Variants in VGLL4 observed in about 807,000 individuals in gnomAD.
VGLL4 encodes transcription cofactor vestigial-like protein 4.
VGLL4 carries 7 observed loss-of-function variants against 21.0 expected under a neutral mutation model. The ratio of observed to expected loss-of-function variants is 0.33; its 90% confidence interval spans 0.19 to 0.63. The LOEUF is 0.63. Among genes scored for constraint, VGLL4 ranks in the 20% least tolerant of loss-of-function variants. The pLI is 0.78. For missense variants in VGLL4, 394 were observed against 425.7 expected, an observed-to-expected ratio of 0.93 and a Z score of 0.66; for synonymous variants, 222 against 173.2, an observed-to-expected ratio of 1.28 and a Z score of -2.21.
At chr3:11,617,124 T>C (rs991650684) in intron 1 of VGLL4, among the ~76,000 whole-genome samples, 1 of 152,160 alleles carries the variant, frequency 6.6e-6, no homozygotes, top group Non-Finnish European at 1.5e-5. Flanking sequence ...ACATTTTATA[T>C]GAGGGAGACA....
chr3:11,572,882 C>T (rs116289633), intron 2 of VGLL4, among the ~76,000 whole-genome samples: 4,234 of 152,132 alleles, frequency 0.028, 85 homozygotes, highest in South Asian at 0.069. Context: ...AAATGACCCC[C>T]GTAGGCCAGG....
intron 1 of VGLL4, among the ~76,000 whole-genome samples, chr3:11,602,667 G>A (rs1046306364): frequency 1.3e-5 from 2 of 152,148 alleles, no homozygotes; most frequent in African/African-American, 4.8e-5. Flanking sequence ...AGCATAATAC[G>A]TGGGTAGGTG....
rs2125268780 is a variant in VGLL4 at position 11,602,683 on chromosome 3, C to T, written c.83-661G>A. ...GCATAATACGTGGGTAGGTGCAGTT[C>T]TGAAACATGTTTCGAAGTTAGGCAA... On this transcript the variant is annotated intron_variant, in intron 1 of 4. Coordinates refer to ENST00000430365, the MANE Select transcript of VGLL4 (RefSeq NM_001128219.3). Among the ~76,000 whole-genome samples the T allele has an allele frequency of 2.0e-5, 3 of 152,272 alleles. No homozygotes were observed. In the South Asian group the frequency reaches 6.2e-4, roughly 32 times the overall value.
intron 2 of VGLL4, among the ~76,000 whole-genome samples, chr3:11,690,880 A>G (rs1218741278): frequency 1.3e-5 from 2 of 152,184 alleles, no homozygotes; most frequent in African/African-American, 4.8e-5. Context: ...GCTTCTACAC[A>G]TTATATGCAC....
At chr3:11,680,988 TC>T (rs1484719695) in intron 2 of VGLL4, among the ~76,000 whole-genome samples, 2 of 152,168 alleles carry the variant, frequency 1.3e-5, no homozygotes, top group Non-Finnish European at 2.9e-5. Flanking sequence ...ACGCCTCCCT[TC>T]CCTTCTCTTT....
intron 3 of VGLL4, among the ~76,000 whole-genome samples, chr3:11,561,326 C>T (rs1461627059): frequency 6.6e-6 from 1 of 151,936 alleles, no homozygotes; most frequent in Non-Finnish European, 1.5e-5. Flanking sequence ...AAGGCCACTT[C>T]AGAAGAGACT....
At position 11,603,505 on chromosome 3, in the gene VGLL4, CCTTT is replaced by C. The variant is rs546893413; in HGVS notation, c.83-1487_83-1484del. Among the ~76,000 whole-genome samples, 347 of 152,264 alleles carry C rather than the reference CCTTT, an allele frequency of 2.3e-3. 3 individuals are homozygous for C. The highest frequency in any genetic ancestry group is 7.9e-3 in the African/African-American group (327 of 41,554). On this transcript the variant is annotated intron_variant, in intron 1 of 4. Transcript: ENST00000430365. ...ATACCTTCATAAATTAGAAAAATAT[CCTTT>C]CTAATTATCTCCGTTATTTGTGATA...
chr3:11,675,544 A>G (rs1001944911), intron 2 of VGLL4, among the ~76,000 whole-genome samples: 17 of 152,128 alleles, frequency 1.1e-4, no homozygotes, highest in Non-Finnish European at 4.4e-5. Context: ...ACACAAATGT[A>G]AAACCCCACG....
At chr3:11,563,864 A>G (rs1408317469) in intron 3 of VGLL4, among the ~76,000 whole-genome samples, 1 of 152,110 alleles carries the variant, frequency 6.6e-6, no homozygotes, top group Non-Finnish European at 1.5e-5. Context: ...AAGCACCAGA[A>G]CCACCTCTCC....
chr3:11,675,362 A>T (rs1291773629), intron 2 of VGLL4, among the ~76,000 whole-genome samples: 3 of 36,138 alleles, frequency 8.3e-5, no homozygotes, highest in African/African-American at 1.9e-4. Context: ...TAAAAAATAA[A>T]AAAATAAAAA....
At chr3:11,720,001 C>T (rs1475109019) in intron 1 of VGLL4, among the ~76,000 whole-genome samples, 1 of 152,178 alleles carries the variant, frequency 6.6e-6, no homozygotes, top group East Asian at 1.9e-4. Context: ...TGCAAATGTA[C>T]AAACACAAAC....
At chr3:11,599,089 AAGACAGGC>A (rs1028945415) in intron 2 of VGLL4, among the ~76,000 whole-genome samples, 4 of 152,298 alleles carry the variant, frequency 2.6e-5, no homozygotes, top group Admixed American at 6.5e-5. Flanking sequence ...ACGAAGAAGT[AAGACAGGC>A]AGCATCTTTC....
intron 1 of VGLL4, among the ~76,000 whole-genome samples, chr3:11,609,256 A>G (rs892347034): frequency 3.9e-5 from 6 of 152,234 alleles, no homozygotes; most frequent in African/African-American, 1.4e-4. Context: ...TACATCTTCC[A>G]TAAGAGATAC....
chr3:11,625,715 A>T (rs2075340117), intron 1 of VGLL4, among the ~76,000 whole-genome samples: 1 of 90,738 alleles, frequency 1.1e-5, no homozygotes, highest in African/African-American at 3.4e-5. Flanking sequence ...TTCTTTAAAA[A>T]CATTTTTTTT....
intron 2 of VGLL4, among the ~76,000 whole-genome samples, chr3:11,573,018 T>C (rs9834739): frequency 0.026 from 3,892 of 151,624 alleles, 71 homozygotes; most frequent in South Asian, 0.055. Context: ...ATACAAAAAT[T>C]AGCTGGGCTT....
chr3:11,598,875 T>A (rs1029366607), intron 2 of VGLL4, among the ~76,000 whole-genome samples: 1 of 152,202 alleles, frequency 6.6e-6, no homozygotes, highest in Admixed American at 6.5e-5. Flanking sequence ...TCATTACATG[T>A]TATTAACAAA....
chr3:11,580,152 C>T (rs2074185039), intron 2 of VGLL4, among the ~76,000 whole-genome samples: 1 of 152,232 alleles, frequency 6.6e-6, no homozygotes, highest in Non-Finnish European at 1.5e-5. Context: ...AAACTCTGCA[C>T]TCATTAAACA....
Position 11,677,909 on chromosome 3 carries a change from C to CAAAA in VGLL4, c.64+25058_64+25061dup, listed in dbSNP as rs35366594. 4.3e-3 allele frequency among the ~76,000 whole-genome samples: 517 copies of CAAAA among 120,814 alleles called. 6 individuals are homozygous for CAAAA. Among genetic ancestry groups the CAAAA allele is most frequent in the African/African-American group, 0.014 (442 of 30,954 alleles). The allele number at this position is 120,814 out of a possible 152,430, so 79.3% of individuals were successfully genotyped here. A position where few individuals can be genotyped will look rare whatever the true frequency, so the allele number is the denominator to read the frequency against. The stretch of plus-strand genomic sequence containing the variant: ...GGCGACAGAGCAAGACTTCGTCTTT[C>CAAAA]AAAAAAAAAAAAAAAAGGAAAAGAA... On this transcript the variant is annotated intron_variant, in intron 2 of 5. Coordinates refer to the VGLL4 transcript ENST00000273038.
intron 2 of VGLL4, among the ~76,000 whole-genome samples, chr3:11,649,371 G>T (rs183883443): frequency 1.1e-4 from 16 of 152,284 alleles, no homozygotes; most frequent in African/African-American, 3.4e-4. Flanking sequence ...AGACTGGAAA[G>T]TATTCCAAAA....
Sources: allele counts gnomAD v4.1 joint callset (sites outside exome capture counted in the v4.1 genomes callset), GRCh38; gene constraint gnomAD v4.1.1; transcripts MANE v1.5; gene names NCBI Gene and HGNC (gene_info 2026-07-23, HGNC 2026-07-21).